Variants in LILRB4 observed in about 807,000 individuals in gnomAD.
The protein encoded by LILRB4 is leukocyte immunoglobulin like receptor B4.
In LILRB4, 49 loss-of-function variants were observed where a neutral mutation model predicts 55.2. The observed-to-expected ratio is 0.89, with a 90% CI of 0.71 to 1.13. The LOEUF is 1.13. Among genes scored for constraint, LILRB4 ranks in the 50% most tolerant of loss-of-function variants. The pLI is 0.00. For synonymous variants in LILRB4, 229 were observed against 213.8 expected (o/e 1.07, Z -0.62); for missense variants, 590 against 555.2 (o/e 1.06, Z -0.63).
chr19:54,663,604 T>C (rs772335500), intron 2 of LILRB4, 37 bp downstream of exon 2: 53 of 1,612,828 alleles, frequency 3.3e-5, no homozygotes, highest in Non-Finnish European at 4.5e-5. Context: ...TCCCTCCTCC[T>C]CACTGGGACA....
chr19:54,667,238 T>G (rs374119465), intron 10 of LILRB4: 19,756 of 505,718 alleles, frequency 0.039, 208 homozygotes, highest in Non-Finnish European at 0.051. Context: ...ATAAACCAGG[T>G]AAAGGGCAGA....
chr19:54,666,530 C>T lies in LILRB4; in HGVS notation c.988+94C>T. Reference sequence around the variant, plus strand: ...GGCAGGAGCACAGGCTAGGATTGGTCAGGGACTCAGGGAGAAGTGGTCTGA... The same window carrying T: ...GGCAGGAGCACAGGCTAGGATTGGTTAGGGACTCAGGGAGAAGTGGTCTGA... On this transcript the variant is annotated intron_variant, in intron 9 of 11. Coordinates refer to ENST00000430952, the Ensembl canonical transcript of LILRB4. This position sits in a 1 kb window ranked among gnomAD's most constrained non-coding sequence, Gnocchi z 4.8. The T allele has an allele frequency of 6.7e-7, 1 of 1,501,818 alleles. No individual in the cohort carries two copies. The highest frequency in any genetic ancestry group is 1.2e-5 in the South Asian group (1 of 83,804). 93.0% of individuals were successfully genotyped at this position (1,501,818 alleles called of 1,614,324 possible). A position where few individuals can be genotyped will look rare whatever the true frequency, so the allele number is the denominator to read the frequency against.
intron 2 of LILRB4, 85 bp from the exon 3 acceptor site, chr19:54,663,669 A>C: frequency 6.2e-7 from 1 of 1,609,396 alleles, no homozygotes. Flanking sequence ...GTGACTGATG[A>C]GGATGACGGG....
At position 54,666,339 on chromosome 19, in the gene LILRB4, A is replaced by T; in HGVS notation, c.950+24A>T. The T allele has an allele frequency of 6.2e-7, 1 of 1,609,138 alleles. No homozygotes were observed. The highest frequency in any genetic ancestry group is 8.5e-7 in the Non-Finnish European group (1 of 1,177,540). ...AGGTAATTCTGCCCAAAGACCTCAG[A>T]CTCCCACCCATCCCAACAGCCACCT... On this transcript the variant is annotated intron_variant, in intron 8 of 11. Coordinates refer to ENST00000430952, the Ensembl canonical transcript of LILRB4. This position sits in a 1 kb window ranked among gnomAD's most constrained non-coding sequence, Gnocchi z 4.8.
chr19:54,665,875 CCCT>C lies in LILRB4; in HGVS notation c.826_828del (p.Leu276del). 3 of 1,613,676 alleles carry C rather than the reference CCCT, an allele frequency of 1.9e-6. No individual in the cohort carries two copies. The highest frequency in any genetic ancestry group is 2.5e-6 in the Non-Finnish European group (3 of 1,179,880). ...TTGGTGGTCTCCATCCTGCTTCTCT[CCCT>C]CCTCCTCTTCCTCCTCCTCCAACAC... On this transcript the variant is annotated inframe_deletion, in exon 7 of 12. Transcript: ENST00000430952. This position sits in a 1 kb window ranked among gnomAD's most constrained non-coding sequence, Gnocchi z 5.5.
At chr19:54,663,378 G>A (rs531243467) in intron 1 of LILRB4, among the ~76,000 whole-genome samples, 154 bp from the exon 2 acceptor site, 65 of 143,746 alleles carry the variant, frequency 4.5e-4, no homozygotes, top group South Asian at 1.1e-3. Context: ...CCCGGGAGGC[G>A]GAGCTTGCAG....
At chr19:54,667,541 G>C in intron 10 of LILRB4, 94 bp from the exon 11 acceptor site, 5 of 1,571,238 alleles carry the variant, frequency 3.2e-6, no homozygotes, top group Non-Finnish European at 4.3e-6. Flanking sequence ...GTCAGGAAAG[G>C]GATGTAATCG....
intron 4 of LILRB4, 93 bp downstream of exon 4, chr19:54,664,578 C>A: frequency 7.3e-7 from 1 of 1,362,864 alleles, no homozygotes; most frequent in Non-Finnish European, 1.0e-6. Context: ...GGGAGAGGGG[C>A]TCAGCCAGTG....
Position 54,665,885 on chromosome 19 carries a change from C to T in LILRB4, c.828C>T (p.Leu276=), listed in dbSNP as rs1484371008. 6.2e-7 allele frequency: 1 copy of T among 1,613,920 alleles called. No individual in the cohort carries two copies. Among genetic ancestry groups the T allele is most frequent in the Non-Finnish European group, 8.5e-7 (1 of 1,179,970 alleles). Residue 276 remains leucine, a synonymous_variant, in exon 7 of 12, where the codon CTC becomes CTT. Transcript: ENST00000430952. The surrounding 1 kb of genome is among the most constrained non-coding windows in gnomAD (Gnocchi z 5.5). ...CCATCCTGCTTCTCTCCCTCCTCCT[C>T]TTCCTCCTCCTCCAACACTGGCGTC...
At chr19:54,663,430 C>G in intron 1 of LILRB4, 102 bp from the exon 2 acceptor site, 1 of 1,077,170 alleles carries the variant, frequency 9.3e-7, no homozygotes, top group Non-Finnish European at 1.3e-6. Flanking sequence ...TGGGTGACAG[C>G]GAGACTCCGT....
At chr19:54,664,661 C>A in intron 4 of LILRB4, 138 bp from the exon 5 acceptor site, 1 of 986,154 alleles carries the variant, frequency 1.0e-6, no homozygotes, top group Non-Finnish European at 1.5e-6. Context: ...TCTCCCTCAC[C>A]TAGGGTCCAG....
Position 54,665,877 on chromosome 19 carries a change from C to G in LILRB4, c.820C>G (p.Leu274Val), listed in dbSNP as rs530425592. The G allele has an allele frequency of 6.2e-7, 1 of 1,613,872 alleles. No individual in the cohort carries two copies. Among genetic ancestry groups the G allele is most frequent in the African/African-American group, 1.3e-5 (1 of 74,936 alleles). The change falls in exon 7 of 12, where the codon CTC becomes GTC. Residue 274 changes from leucine to valine, a missense_variant. Transcript: ENST00000430952. This position sits in a 1 kb window ranked among gnomAD's most constrained non-coding sequence, Gnocchi z 5.5. ...GGTGGTCTCCATCCTGCTTCTCTCC[C>G]TCCTCCTCTTCCTCCTCCTCCAACA...
intron 10 of LILRB4, chr19:54,667,261 G>A: frequency 3.5e-6 from 2 of 576,142 alleles, no homozygotes; most frequent in Non-Finnish European, 6.7e-6. Context: ...GTGTGGGGCA[G>A]TGGGGCCAGT....
In LILRB4 at chr19:54,665,443, A is replaced by C. The variant is rs554529345; in HGVS notation, c.757+263A>C. Among the ~76,000 whole-genome samples, 1 of 151,888 alleles carries C rather than the reference A, an allele frequency of 6.6e-6. No individual in the cohort carries two copies. Among genetic ancestry groups the C allele is most frequent in the Non-Finnish European group, 1.5e-5 (1 of 67,960 alleles). On this transcript the variant is annotated intron_variant, in intron 6 of 11. Coordinates refer to ENST00000430952, the Ensembl canonical transcript of LILRB4. This position sits in a 1 kb window ranked among gnomAD's most constrained non-coding sequence, Gnocchi z 5.5. ...ATTCCGCAGGGGCCTGTCCGGTCCC[A>C]CCTGCAGCAGAGACGGTGACCTGGG...
chr19:54,663,354 G>C (rs1177896696), intron 1 of LILRB4, among the ~76,000 whole-genome samples, 178 bp from the exon 2 acceptor site: 1 of 148,476 alleles, frequency 6.7e-6, no homozygotes, highest in East Asian at 2.0e-4. Flanking sequence ...GCTGAGGCAG[G>C]AGAATGGCGT....
rs2065269684 is a variant in LILRB4, at chr19:54,666,476, G to A, written c.988+40G>A. 3 of 1,609,606 alleles carry A rather than the reference G, an allele frequency of 1.9e-6. No individual in the cohort carries two copies. The highest frequency in any genetic ancestry group is 2.5e-6 in the Non-Finnish European group (3 of 1,176,952). ...GAGAAGGTGCACCTGGGGTGGAGCTGGGGGTCCCAAAATTTCAATAGCAAT... is the reference window on the plus strand; with the variant it reads ...GAGAAGGTGCACCTGGGGTGGAGCTAGGGGTCCCAAAATTTCAATAGCAAT... On this transcript the variant is annotated intron_variant, in intron 9 of 11. Transcript: ENST00000430952. This position sits in a 1 kb window ranked among gnomAD's most constrained non-coding sequence, Gnocchi z 4.8.
exon 12 of LILRB4, chr19:54,668,190 T>A: frequency 1.5e-6 from 1 of 669,534 alleles, no homozygotes; most frequent in Non-Finnish European, 2.5e-6. Context: ...ATAAATAATA[T>A]CCCTGCATTA....
At chr19:54,663,618 G>A (rs776865132) in intron 2 of LILRB4, 51 bp downstream of exon 2, 6 of 1,612,654 alleles carry the variant, frequency 3.7e-6, no homozygotes, top group Non-Finnish European at 4.2e-6. Context: ...TGGGACAAGG[G>A]GCCACCCATG....
At position 54,666,592 on chromosome 19, in the gene LILRB4, T is replaced by A. The variant is rs2065275685; in HGVS notation, c.989-105T>A. ...GGGACCTCGGGGACATCACAGCCCC[T>A]CCCTGCGTTGCAGTGGCACTAATGG... On this transcript the variant is annotated intron_variant, in intron 9 of 11. Transcript: ENST00000430952. The surrounding 1 kb of genome is among the most constrained non-coding windows in gnomAD (Gnocchi z 4.8). 10 of 1,435,230 alleles carry A rather than the reference T, an allele frequency of 7.0e-6. No homozygotes were observed. In the East Asian group the frequency reaches 2.3e-4, roughly 33 times the overall value. 88.9% of individuals were successfully genotyped at this position (1,435,230 alleles called of 1,614,324 possible).
Sources: gnomAD v4.1 joint callset for allele counts (sites outside exome capture counted in the v4.1 genomes callset) on GRCh38, gnomAD v4.1.1 for gene constraint, Gnocchi (gnomAD v3.1) non-coding constraint, MANE v1.5 for transcripts, NCBI Gene and HGNC (gene_info 2026-07-23, HGNC 2026-07-21) for gene names.